RCVRN: variants seen among roughly 807,000 people sequenced by gnomAD.
RCVRN encodes the protein recoverin, also known as cancer associated retinopathy antigen.
In RCVRN, 23 loss-of-function variants were observed where a neutral mutation model predicts 20.4. The observed-to-expected ratio is 1.13, with a 90% CI of 0.81 to 1.60. The LOEUF (loss-of-function observed/expected upper bound fraction) is 1.60. Ranked by LOEUF, RCVRN falls within the 40% of genes most tolerant of loss-of-function variation. The probability of loss-of-function intolerance (pLI) is 0.00; values close to 1 mark genes in which losing one functional copy is unlikely to be tolerated. For missense variants in RCVRN, 254 were observed against 254.2 expected (o/e 1.00, Z 0.00); for synonymous variants, 105 against 105.9 (o/e 0.99, Z 0.05).
rs2152053948 is a variant in RCVRN, at chr17:9,898,136, A to T, written c.562T>A (p.Phe188Ile). ...ANKEILRLIQ[F>I]EPQKVKEKMK... ...TTTTCCTTCACTTTTTGAGGCTCAA[A>T]CTGGATCAGTCGCAGAATTTCCTTA... Residue 188 changes from phenylalanine to isoleucine, a missense_variant, in exon 3 of 3, where the codon TTT (phenylalanine) becomes ATT (isoleucine). By Grantham distance (21) the Phe-to-Ile change is conservative (BLOSUM62 0). Transcript: ENST00000226193. The T allele has an allele frequency of 6.2e-7, 1 of 1,613,952 alleles. No homozygotes were observed. The highest frequency in any genetic ancestry group is 8.5e-7 in the Non-Finnish European group (1 of 1,179,934).
Position 9,896,534 on chromosome 17 carries a change from GGCT to G in RCVRN, c.*1558_*1560del, listed in dbSNP as rs1180634474. The G allele has an allele frequency of 6.6e-6, 1 of 152,204 alleles. No individual in the cohort carries two copies. The highest frequency in any genetic ancestry group is 6.5e-5 in the Admixed American group (1 of 15,284). 9.4% of individuals were successfully genotyped at this position (152,204 alleles called of 1,614,324 possible). On this transcript the variant is annotated 3_prime_UTR_variant, in exon 3 of 3. Transcript: ENST00000226193. Reference sequence around the variant, plus strand: ...TTTCTGACCTCATCTTGGAACTTGAGGCTGGAGAATAAATGGGCCTTCAAAGCA... The same window carrying G: ...TTTCTGACCTCATCTTGGAACTTGAGGGAGAATAAATGGGCCTTCAAAGCA...
At position 9,904,420 on chromosome 17, in the gene RCVRN, G is replaced by A. The variant is rs1393006438; in HGVS notation, c.381+380C>T. On this transcript the variant is annotated intron_variant, in intron 1 of 2. Coordinates refer to ENST00000226193, the MANE Select transcript of RCVRN (RefSeq NM_002903.3). The surrounding 1 kb of genome is among the most constrained non-coding windows in gnomAD (Gnocchi z 5.8). Reference sequence around the variant, plus strand: ...CTACAGACTTTACGGATACACTTAGGCTACACTAAATGCATTTGAAAAATA... The same window carrying A: ...CTACAGACTTTACGGATACACTTAGACTACACTAAATGCATTTGAAAAATA... Among the ~76,000 whole-genome samples the A allele has an allele frequency of 6.6e-6, 1 of 152,152 alleles. No homozygotes were observed.
rs530481028 is a variant in RCVRN at position 9,904,768 on chromosome 17, C to T, written c.381+32G>A. 11 of 1,594,300 alleles carry T rather than the reference C, an allele frequency of 6.9e-6. No individual in the cohort carries two copies. The highest frequency in any genetic ancestry group is 2.6e-6 in the Non-Finnish European group (3 of 1,168,142). ...CCCCAGCCCGGAGCGACCCCGGCAC[C>T]GCCCAGCCAGAAGGGGAGAGGGGAG... On this transcript the variant is annotated intron_variant, in intron 1 of 2. Transcript: ENST00000226193. This position sits in a 1 kb window ranked among gnomAD's most constrained non-coding sequence, Gnocchi z 5.8.
chr17:9,901,089 T>C lies in RCVRN; in HGVS notation c.393A>G (p.Lys131=). 6.3e-7 allele frequency: 1 copy of C among 1,597,246 alleles called. No individual in the cohort carries two copies. The highest frequency in any genetic ancestry group is 8.6e-7 in the Non-Finnish European group (1 of 1,166,584). ...GCTTCACGTCCTCGGGAGTGATCAT[T>C]TTGAAAATAGCCTGTACCAAACAGA... ...EVLEIVMAIF[K]MITPEDVKLL... is the part of the protein sequence containing the mutation. Residue 131 remains lysine, a synonymous_variant, in exon 2 of 3, where the codon AAA becomes AAG. Transcript: ENST00000226193.
At chr17:9,900,472 T>G (rs1168410403) in intron 2 of RCVRN, among the ~76,000 whole-genome samples, 1 of 151,580 alleles carries the variant, frequency 6.6e-6, no homozygotes, top group Non-Finnish European at 1.5e-5. Flanking sequence ...TTACCTAATC[T>G]TCCTTTCTTT....
rs142643667 is a variant in RCVRN, at chr17:9,899,003, C to T, written c.494-799G>A. Among the ~76,000 whole-genome samples, 1 of 152,156 alleles carries T rather than the reference C, an allele frequency of 6.6e-6. No homozygotes were observed. Among genetic ancestry groups the T allele is most frequent in the Non-Finnish European group, 1.5e-5 (1 of 68,024 alleles). On this transcript the variant is annotated intron_variant, in intron 2 of 2. Transcript: ENST00000226193. The surrounding 1 kb of genome is among the most constrained non-coding windows in gnomAD (Gnocchi z 4.6). ...AGCCCAGATGCCACTGTGCTTGGAG[C>T]CAAGGCCACCACAGGGAGCGGAGGC...
In RCVRN at chr17:9,904,067, C is replaced by T. The variant is rs1269368908; in HGVS notation, c.381+733G>A. On this transcript the variant is annotated intron_variant, in intron 1 of 2. Coordinates refer to ENST00000226193, the MANE Select transcript of RCVRN (RefSeq NM_002903.3). The surrounding 1 kb of genome is among the most constrained non-coding windows in gnomAD (Gnocchi z 5.8). ...ACCAGCCTGACCAACATGGTGAAAC[C>T]CCGTCTCTACTAAAAATACAAAAAT... is the stretch of plus-strand genomic sequence containing the variant. Among the ~76,000 whole-genome samples the T allele has an allele frequency of 1.3e-5, 2 of 152,118 alleles. No homozygotes were observed. Among genetic ancestry groups the T allele is most frequent in the Middle Eastern group, 3.4e-3 (1 of 294 alleles).
rs1597414808 is a variant in RCVRN at position 9,899,913 on chromosome 17, C to T, written c.493+1076G>A. On this transcript the variant is annotated intron_variant, in intron 2 of 2. Transcript: ENST00000226193. This position sits in a 1 kb window ranked among gnomAD's most constrained non-coding sequence, Gnocchi z 4.6. ...TCCTGCTCAGCTTTTTCTTCTTGAA[C>T]CTTGGCAGAAGACTGCCTCCAGAGG... Among the ~76,000 whole-genome samples, 1 of 152,284 alleles carries T rather than the reference C, an allele frequency of 6.6e-6. No homozygotes were observed. Among genetic ancestry groups the T allele is most frequent in the South Asian group, 2.1e-4 (1 of 4,828 alleles).
rs749649692 is a variant in RCVRN, at chr17:9,904,803, G to T, written c.378C>A (p.Val126=). ...GAAGGGGAGAGGGGAGACTGACCATGACGATCTCCAGCACTTCATTCTTGC... is the reference window on the plus strand; with the variant it reads ...GAAGGGGAGAGGGGAGACTGACCATTACGATCTCCAGCACTTCATTCTTGC... The part of the protein sequence containing the change: ...TISKNEVLEI[V]MAIFKMITPE... The change falls in exon 1 of 3, where the codon GTC becomes GTA. Residue 126 remains valine (V), a synonymous_variant. Transcript: ENST00000226193. The surrounding 1 kb of genome is among the most constrained non-coding windows in gnomAD (Gnocchi z 5.8). 2.5e-6 allele frequency: 4 copies of T among 1,613,116 alleles called. No homozygotes were observed. Among genetic ancestry groups the T allele is most frequent in the Non-Finnish European group, 3.4e-6 (4 of 1,179,420 alleles).
At position 9,898,171 on chromosome 17, in the gene RCVRN, G is replaced by A; in HGVS notation, c.527C>T (p.Thr176Ile). Reference protein sequence around the residue: ...KLTEKEFIEGTLANKEILRLI... With the variant: ...KLTEKEFIEGILANKEILRLI... ...TCGCAGAATTTCCTTATTGGCCAGT[G>A]TCCCCTCAATGAATTCTTTCTCTGT... is the stretch of plus-strand genomic sequence containing the variant. The change falls in exon 3 of 3, where the codon ACA (threonine) becomes ATA (isoleucine). Residue 176 changes from threonine (T) to isoleucine (I), a missense_variant. Coordinates refer to ENST00000226193, the MANE Select transcript of RCVRN (RefSeq NM_002903.3). 6.2e-7 allele frequency: 1 copy of A among 1,613,480 alleles called. No homozygotes were observed. Among genetic ancestry groups the A allele is most frequent in the Non-Finnish European group, 8.5e-7 (1 of 1,179,426 alleles).
intron 1 of RCVRN, among the ~76,000 whole-genome samples, chr17:9,903,337 G>A (rs1054574250): frequency 6.6e-6 from 1 of 152,198 alleles, no homozygotes; most frequent in Non-Finnish European, 1.5e-5. Flanking sequence ...TCTGACAGGA[G>A]GACAGTATGG....
At chr17:9,900,044 A>T (rs1306963730) in intron 2 of RCVRN, among the ~76,000 whole-genome samples, 3 of 145,048 alleles carry the variant, frequency 2.1e-5, no homozygotes, top group African/African-American at 8.5e-5. Flanking sequence ...GGCTTCTCTT[A>T]AAAAAAAATC....
At position 9,898,185 on chromosome 17, in the gene RCVRN, T is replaced by C. The variant is rs777485327; in HGVS notation, c.513A>G (p.Glu171=). The stretch of plus-strand genomic sequence containing the variant: ...TATTGGCCAGTGTCCCCTCAATGAA[T>C]TCTTTCTCTGTAAGTTTATCTGTGC... The part of the protein sequence containing the change: ...KNDDDKLTEK[E]FIEGTLANKE... Residue 171 remains glutamate (E), a synonymous_variant, in exon 3 of 3, where the codon GAA becomes GAG. Coordinates refer to ENST00000226193, the MANE Select transcript of RCVRN (RefSeq NM_002903.3). 6.2e-7 allele frequency: 1 copy of C among 1,612,534 alleles called. No individual in the cohort carries two copies. Among genetic ancestry groups the C allele is most frequent in the South Asian group, 1.1e-5 (1 of 91,056 alleles).
At chr17:9,902,319 C>G (rs1204802887) in intron 1 of RCVRN, among the ~76,000 whole-genome samples, 3 of 152,098 alleles carry the variant, frequency 2.0e-5, no homozygotes, top group Non-Finnish European at 4.4e-5. Flanking sequence ...ACATGCCTGC[C>G]AGAATGGGAG....
intron 1 of RCVRN, among the ~76,000 whole-genome samples, chr17:9,903,379 G>T (rs2067349403): frequency 6.6e-6 from 1 of 152,238 alleles, no homozygotes; most frequent in Non-Finnish European, 1.5e-5. Flanking sequence ...GAACCATATG[G>T]AAGCCTGTGC....
In RCVRN at chr17:9,896,660, T is replaced by C. The variant is rs1182196891; in HGVS notation, c.*1435A>G. 6.6e-6 allele frequency: 1 copy of C among 152,214 alleles called. No individual in the cohort carries two copies. Among genetic ancestry groups the C allele is most frequent in the African/African-American group, 2.4e-5 (1 of 41,444 alleles). The allele number at this position is 152,214 out of a possible 1,614,324, so 9.4% of individuals were successfully genotyped here. A position where few individuals can be genotyped will look rare whatever the true frequency, so the allele number is the denominator to read the frequency against. On this transcript the variant is annotated 3_prime_UTR_variant, in exon 3 of 3. Transcript: ENST00000226193. ...CAGTTGGGGGCCGGTGGGTAGCCCT[T>C]GCCTGACCTCTGCTCATCAGCTGGC...
At chr17:9,903,416 G>A (rs915313808) in intron 1 of RCVRN, among the ~76,000 whole-genome samples, 5 of 152,210 alleles carry the variant, frequency 3.3e-5, no homozygotes, top group South Asian at 2.1e-4. Context: ...GTCAGGAGCC[G>A]GGGAGCCACG....
At chr17:9,902,691 C>A (rs1261147247) in intron 1 of RCVRN, among the ~76,000 whole-genome samples, 2 of 152,248 alleles carry the variant, frequency 1.3e-5, no homozygotes, top group East Asian at 3.9e-4. Flanking sequence ...GAATTCCAAG[C>A]AGCTATTAAA....
At position 9,897,116 on chromosome 17, in the gene RCVRN, C is replaced by G. The variant is rs371652069; in HGVS notation, c.*979G>C. ...TTTAGCCTGCTGGGGACTTCTCTTA[C>G]AAACATAAACCCCTCCTACTTCCAA... On this transcript the variant is annotated 3_prime_UTR_variant, in exon 3 of 3. Transcript: ENST00000226193. The G allele has an allele frequency of 4.6e-5, 7 of 152,398 alleles. No homozygotes were observed. The highest frequency in any genetic ancestry group is 1.3e-4 in the Admixed American group (2 of 15,306). 9.4% of individuals were successfully genotyped at this position (152,398 alleles called of 1,614,324 possible).
Sources: gnomAD v4.1 joint callset for allele counts (sites outside exome capture counted in the v4.1 genomes callset) on GRCh38, gnomAD v4.1.1 for gene constraint, Gnocchi (gnomAD v3.1) non-coding constraint, MANE v1.5 for transcripts, NCBI Gene and HGNC (gene_info 2026-07-23, HGNC 2026-07-21) for gene names.